Variants in CFAP77 observed in about 807,000 individuals in gnomAD.
CFAP77 encodes the protein cilia and flagella associated protein 77, also known as cilia- and flagella-associated protein 77.
CFAP77 carries 25 observed loss-of-function variants against 31.1 expected under a neutral mutation model. That is an observed-to-expected ratio of 0.80 (90% CI 0.59 to 1.12). The LOEUF is 1.12. Among genes scored for constraint, CFAP77 ranks in the 50% most tolerant of loss-of-function variants. The pLI, the probability that CFAP77 is intolerant of heterozygous loss-of-function variation, is 0.00. For synonymous variants in CFAP77, 151 were observed against 159.9 expected, an observed-to-expected ratio of 0.94 and a Z score of 0.42; for missense variants, 377 against 397.3, an observed-to-expected ratio of 0.95 and a Z score of 0.44.
chr9:132,460,767 C>T (rs1294662268), intron 1 of CFAP77, among the ~76,000 whole-genome samples: 1 of 152,136 alleles, frequency 6.6e-6, no homozygotes, highest in African/African-American at 2.4e-5. Flanking sequence ...AATTCTCTGT[C>T]GTCCAGGCTG....
intron 4 of CFAP77, among the ~76,000 whole-genome samples, chr9:132,540,125 T>C (rs916340480): frequency 6.6e-6 from 1 of 152,122 alleles, no homozygotes; most frequent in African/African-American, 2.4e-5. Flanking sequence ...AGACGGGGTC[T>C]CACCTTGTTG....
intron 1 of CFAP77, among the ~76,000 whole-genome samples, chr9:132,461,764 C>T (rs558853141): frequency 6.6e-6 from 1 of 152,304 alleles, no homozygotes; most frequent in East Asian, 1.9e-4. Context: ...ACAGTGTGTG[C>T]GGGCAATGCT....
chr9:132,469,773 C>T (rs787891), intron 1 of CFAP77, among the ~76,000 whole-genome samples: 96,196 of 151,726 alleles, frequency 0.63, 30,811 homozygotes, highest in East Asian at 0.83. Context: ...TAAGAAATAG[C>T]GAAACCGGGA....
At chr9:132,548,405 T>C (rs1163546782) in intron 5 of CFAP77, among the ~76,000 whole-genome samples, 1 of 152,110 alleles carries the variant, frequency 6.6e-6, no homozygotes, top group African/African-American at 2.4e-5. Flanking sequence ...TTTTAAAAGA[T>C]GGAGATCCTG....
At chr9:132,486,986 C>T (rs1302545454) in intron 1 of CFAP77, among the ~76,000 whole-genome samples, 2 of 152,202 alleles carry the variant, frequency 1.3e-5, no homozygotes, top group Non-Finnish European at 2.9e-5. Context: ...GGCGGCAGAG[C>T]GCAGGCAGCC....
At position 132,463,333 on chromosome 9, in the gene CFAP77, A is replaced by C. The variant is rs572467470; in HGVS notation, c.196-35362A>C. Among the ~76,000 whole-genome samples the C allele has an allele frequency of 7.9e-5, 12 of 152,308 alleles. No homozygotes were observed. The East Asian group carries it at 2.1e-3, about 27-fold the overall frequency. On this transcript the variant is annotated intron_variant, in intron 1 of 5. Coordinates refer to ENST00000393216, the MANE Select transcript of CFAP77 (RefSeq NM_001282957.2). Reference sequence around the variant, plus strand: ...TGCGGTGTGGTTTTAGAGTGTAGAAAACCCAGAAACGAGAGAAATGGCCAT... The same window carrying C: ...TGCGGTGTGGTTTTAGAGTGTAGAACACCCAGAAACGAGAGAAATGGCCAT...
chr9:132,418,058 G>T lies in CFAP77; in HGVS notation c.195+7592G>T, dbSNP rs1445779932. 4.6e-5 allele frequency among the ~76,000 whole-genome samples: 7 copies of T among 152,342 alleles called. No homozygotes were observed. The East Asian group carries it at 1.2e-3, about 25-fold the overall frequency. On this transcript the variant is annotated intron_variant, in intron 1 of 5. Coordinates refer to ENST00000393216, the MANE Select transcript of CFAP77 (RefSeq NM_001282957.2). Reference sequence around the variant, plus strand: ...TTCTCAGCCTGGGTTTCCTTATTTGGAGAGTCTGGGTACTAAGACCTACCC... The same window carrying T: ...TTCTCAGCCTGGGTTTCCTTATTTGTAGAGTCTGGGTACTAAGACCTACCC...
chr9:132,536,391 CT>C (rs35488775), intron 3 of CFAP77, among the ~76,000 whole-genome samples: 84 of 122,346 alleles, frequency 6.9e-4, no homozygotes, highest in South Asian at 1.9e-3. Flanking sequence ...GCTCATAGTT[CT>C]TTTTTTTTTT....
intron 3 of CFAP77, among the ~76,000 whole-genome samples, chr9:132,503,332 C>T (rs989609497): frequency 6.6e-6 from 1 of 152,320 alleles, no homozygotes; most frequent in African/African-American, 2.4e-5. Flanking sequence ...GTTCCTGGTC[C>T]GTGCTGTGCA....
At chr9:132,523,992 TC>T (rs1186072582) in intron 3 of CFAP77, among the ~76,000 whole-genome samples, 1 of 152,080 alleles carries the variant, frequency 6.6e-6, no homozygotes, top group Non-Finnish European at 1.5e-5. Flanking sequence ...ATACATAGCA[TC>T]CTTTTTTAAA....
intron 1 of CFAP77, among the ~76,000 whole-genome samples, chr9:132,437,178 G>A (rs996492381): frequency 3.9e-5 from 6 of 152,304 alleles, no homozygotes; most frequent in African/African-American, 7.2e-5. Flanking sequence ...TTCCCTGATC[G>A]CCTTGTCCCC....
chr9:132,556,643 G>A (rs1048750590), intron 5 of CFAP77, among the ~76,000 whole-genome samples: 19 of 152,126 alleles, frequency 1.2e-4, no homozygotes, highest in Admixed American at 8.5e-4. Flanking sequence ...CCGGGCTGAC[G>A]AGCCCCTCAC....
chr9:132,438,199 C>CAAAA (rs954482789), intron 1 of CFAP77, among the ~76,000 whole-genome samples: 115 of 46,666 alleles, frequency 2.5e-3, no homozygotes, highest in Non-Finnish European at 3.1e-3. Context: ...GAGACGCCAT[C>CAAAA]AAAAAAAAAA....
intron 3 of CFAP77, among the ~76,000 whole-genome samples, chr9:132,526,330 T>TGA (rs1341461312): frequency 6.6e-6 from 1 of 151,878 alleles, no homozygotes. Context: ...CCCGGGTTCA[T>TGA]GCCATTCTCC....
At chr9:132,438,539 ATATTTT>A (rs1266210783) in intron 1 of CFAP77, among the ~76,000 whole-genome samples, 1 of 115,448 alleles carries the variant, frequency 8.7e-6, no homozygotes, top group African/African-American at 4.1e-5. Flanking sequence ...ATATATATAT[ATATTTT>A]TTTTTTTTTT....
At position 132,537,672 on chromosome 9, in the gene CFAP77, C is replaced by T; in HGVS notation, c.596C>T (p.Thr199Ile). 1.2e-6 allele frequency: 2 copies of T among 1,613,462 alleles called. No individual in the cohort carries two copies. Among genetic ancestry groups the T allele is most frequent in the Non-Finnish European group, 1.7e-6 (2 of 1,179,688 alleles). ...CTGTGGGTACAGGAACAAAAGGCCA[C>T]CCAGAAAGCCATCAAACTGGAGAAG... ...LQLWVQEQKA[T>I]QKAIKLEKKQ... is the part of the protein sequence containing the mutation. The change falls in exon 4 of 6, where the codon ACC becomes ATC. Residue 199 changes from threonine (T) to isoleucine (I), a missense_variant. Transcript: ENST00000393216.
intron 3 of CFAP77, among the ~76,000 whole-genome samples, chr9:132,508,480 C>A (rs1851976047): frequency 1.3e-5 from 2 of 152,024 alleles, no homozygotes; most frequent in African/African-American, 4.8e-5. Context: ...CTACTGTGTA[C>A]AAAGAACAGG....
At chr9:132,488,332 A>T (rs1414554051) in intron 1 of CFAP77, among the ~76,000 whole-genome samples, 1 of 152,222 alleles carries the variant, frequency 6.6e-6, no homozygotes, top group Non-Finnish European at 1.5e-5. Context: ...ATCCAGTTCA[A>T]GGCTATCTCA....
intron 3 of CFAP77, among the ~76,000 whole-genome samples, chr9:132,504,373 C>A (rs1184913412): frequency 6.6e-6 from 1 of 152,226 alleles, no homozygotes; most frequent in Non-Finnish European, 1.5e-5. Context: ...AATATAGAAT[C>A]TTAAATTGCT....
Sources: gnomAD v4.1 joint callset for allele counts (sites outside exome capture counted in the v4.1 genomes callset) on GRCh38, gnomAD v4.1.1 for gene constraint, MANE v1.5 for transcripts, NCBI Gene and HGNC (gene_info 2026-07-23, HGNC 2026-07-21) for gene names.